SMAD1: variants seen among roughly 807,000 people sequenced by gnomAD.
SMAD1 encodes the protein SMAD family member 1.
In SMAD1, 6 loss-of-function variants were observed where a neutral mutation model predicts 41.6. The observed-to-expected ratio is 0.14, with a 90% CI of 0.08 to 0.28. The LOEUF (loss-of-function observed/expected upper bound fraction) is 0.28. Among genes scored for constraint, SMAD1 ranks in the 10% least tolerant of loss-of-function variants. The pLI is 1.00. For missense variants in SMAD1, 379 were observed against 582.6 expected, an observed-to-expected ratio of 0.65 and a Z score of 3.60; for synonymous variants, 206 against 203.2, an observed-to-expected ratio of 1.01 and a Z score of -0.12.
intron 6 of SMAD1, among the ~76,000 whole-genome samples, chr4:145,554,651 A>G (rs1732740378): frequency 6.6e-6 from 1 of 152,180 alleles, no homozygotes; most frequent in Admixed American, 6.5e-5. Context: ...GAAGAGGTTA[A>G]AGACATTGCT....
At chr4:145,491,771 T>G (rs972520064) in intron 1 of SMAD1, among the ~76,000 whole-genome samples, 2 of 152,160 alleles carry the variant, frequency 1.3e-5, no homozygotes, top group African/African-American at 4.8e-5. Flanking sequence ...TATACACAGT[T>G]TCTCAGTCAC....
intron 6 of SMAD1, among the ~76,000 whole-genome samples, chr4:145,554,270 C>A (rs555157297): frequency 6.6e-6 from 1 of 152,054 alleles, no homozygotes; most frequent in Non-Finnish European, 1.5e-5. Context: ...GTTTTACTAG[C>A]CTTTTCCTTA....
chr4:145,518,549 C>A (rs1453165800), intron 2 of SMAD1, among the ~76,000 whole-genome samples: 1 of 124,178 alleles, frequency 8.1e-6, no homozygotes, highest in Non-Finnish European at 2.0e-5. Context: ...AGAATTGAAG[C>A]CCTCTATAAA....
intron 1 of SMAD1, among the ~76,000 whole-genome samples, chr4:145,490,032 G>A (rs1267412025): frequency 6.6e-6 from 1 of 152,158 alleles, no homozygotes; most frequent in Non-Finnish European, 1.5e-5. Context: ...CAGGGTGAAG[G>A]AGAAGAAGTC....
At chr4:145,531,221 G>A (rs1578799390) in intron 2 of SMAD1, among the ~76,000 whole-genome samples, 1 of 152,136 alleles carries the variant, frequency 6.6e-6, no homozygotes, top group East Asian at 1.9e-4. Flanking sequence ...CATATGCTGA[G>A]GTAAGGAATT....
intron 1 of SMAD1, among the ~76,000 whole-genome samples, chr4:145,511,037 A>G (rs1253444907): frequency 6.6e-6 from 1 of 151,960 alleles, no homozygotes; most frequent in Non-Finnish European, 1.5e-5. Context: ...TTTGGGTGGA[A>G]TATGCATAGT....
chr4:145,486,308 G>T (rs565953244), intron 1 of SMAD1, among the ~76,000 whole-genome samples: 2 of 152,270 alleles, frequency 1.3e-5, no homozygotes, highest in Non-Finnish European at 2.9e-5. Context: ...CATAATTCTT[G>T]TCACTTTCCT....
In SMAD1 at chr4:145,482,967, G is replaced by C. The variant is rs1375989787; in HGVS notation, c.-177+929G>C. ...TTCTAGTTGCTGAAACTGTATGAAG[G>C]CTTTAAAGGGAGAACGTTTTCTTGA... On this transcript the variant is annotated intron_variant, in intron 1 of 6. Coordinates refer to ENST00000302085, the MANE Select transcript of SMAD1 (RefSeq NM_005900.3). This position sits in a 1 kb window ranked among gnomAD's most constrained non-coding sequence, Gnocchi z 4.2. 6.6e-6 allele frequency: 1 copy of C among 152,196 alleles called. No homozygotes were observed. The highest frequency in any genetic ancestry group is 1.5e-5 in the Non-Finnish European group (1 of 68,042). 9.4% of individuals were successfully genotyped at this position (152,196 alleles called of 1,614,324 possible). A position where few individuals can be genotyped will look rare whatever the true frequency, so the allele number is the denominator to read the frequency against.
chr4:145,531,746 C>G (rs147188038), intron 2 of SMAD1, among the ~76,000 whole-genome samples: 17 of 152,094 alleles, frequency 1.1e-4, no homozygotes, highest in Admixed American at 5.2e-4. Flanking sequence ...TGACTCTAAC[C>G]TAAATGCCTT....
intron 1 of SMAD1, chr4:145,503,823 T>C (rs1729606550): frequency 6.6e-6 from 1 of 152,226 alleles, no homozygotes; most frequent in East Asian, 1.9e-4. Flanking sequence ...GTTAGGTGAA[T>C]TAGTATGTCT....
intron 1 of SMAD1, chr4:145,503,990 A>T (rs192831480): frequency 3.1e-4 from 47 of 152,284 alleles, no homozygotes; most frequent in Admixed American, 1.3e-3. Context: ...GTAAATAATT[A>T]TCTTGTTTCT....
At chr4:145,532,776 A>T (rs1378667570) in intron 2 of SMAD1, among the ~76,000 whole-genome samples, 1 of 152,220 alleles carries the variant, frequency 6.6e-6, no homozygotes, top group Non-Finnish European at 1.5e-5. Context: ...CCCGAGACAT[A>T]GAACAAGTCA....
At chr4:145,548,827 A>G (rs973946725) in intron 5 of SMAD1, among the ~76,000 whole-genome samples, 1 of 152,216 alleles carries the variant, frequency 6.6e-6, no homozygotes, top group African/African-American at 2.4e-5. Flanking sequence ...TAAACAGTGG[A>G]GAAACCGTAT....
intron 2 of SMAD1, among the ~76,000 whole-genome samples, chr4:145,521,411 C>G (rs1730735029): frequency 6.6e-6 from 1 of 152,064 alleles, no homozygotes; most frequent in African/African-American, 2.4e-5. Flanking sequence ...CATATTAAAT[C>G]TGAGCTTGAA....
At chr4:145,513,729 G>A (rs115261544) in intron 1 of SMAD1, among the ~76,000 whole-genome samples, 1 of 152,260 alleles carries the variant, frequency 6.6e-6, no homozygotes, top group East Asian at 1.9e-4. Context: ...TTCAGTTTTT[G>A]TTGATTGAGG....
chr4:145,516,272 A>G (rs1730383419), intron 2 of SMAD1, among the ~76,000 whole-genome samples: 2 of 152,310 alleles, frequency 1.3e-5, no homozygotes, highest in African/African-American at 4.8e-5. Context: ...ATGTTACATA[A>G]TATTGGAGTT....
chr4:145,543,016 C>G (rs1382720306), intron 4 of SMAD1, among the ~76,000 whole-genome samples: 1 of 151,632 alleles, frequency 6.6e-6, no homozygotes, highest in Non-Finnish European at 1.5e-5. Flanking sequence ...CTCTGGTCAC[C>G]CAGGCTGGAG....
In SMAD1 at chr4:145,514,557, G is replaced by A; in HGVS notation, c.-57G>A. On this transcript the variant is annotated 5_prime_UTR_variant, in exon 2 of 7. Transcript: ENST00000302085. This position sits in a 1 kb window ranked among gnomAD's most constrained non-coding sequence, Gnocchi z 4.7. ...AACAAATCTCTTCTGCTGTCCTTTT[G>A]CATTTGGAGACAGCTTTATTTCACC... The A allele has an allele frequency of 6.9e-7, 1 of 1,451,194 alleles. No individual in the cohort carries two copies. The highest frequency in any genetic ancestry group is 9.3e-7 in the Non-Finnish European group (1 of 1,075,154). 89.9% of individuals were successfully genotyped at this position (1,451,194 alleles called of 1,614,324 possible).
chr4:145,554,782 C>G (rs760842382), intron 6 of SMAD1, among the ~76,000 whole-genome samples: 3 of 152,148 alleles, frequency 2.0e-5, no homozygotes, highest in Non-Finnish European at 4.4e-5. Context: ...AGTGACTTTT[C>G]TAGTAACTGA....
Sources: gnomAD v4.1 joint callset for allele counts (sites outside exome capture counted in the v4.1 genomes callset) on GRCh38, gnomAD v4.1.1 for gene constraint, Gnocchi (gnomAD v3.1) non-coding constraint, MANE v1.5 for transcripts, NCBI Gene and HGNC (gene_info 2026-07-23, HGNC 2026-07-21) for gene names.